The following TINCR variants were observed in gnomAD, a reference collection of about 807,000 sequenced individuals.
TINCR encodes the protein TINCR-encoded ubiquitin-like protein.
rs1399259279 is a variant in TINCR at position 5,565,774 on chromosome 19, A to G, written c.260+1891T>C. ...TGAGGCTCCTGCCCTCAAAACATCA[A>G]CCCAGGCTCGGTGACTCAAGCCTCT... On this transcript the variant is annotated intron_variant, in intron 1 of 1. Transcript: ENST00000646160. This position sits in a 1 kb window ranked among gnomAD's most constrained non-coding sequence, Gnocchi z 4.0. Among the ~76,000 whole-genome samples, 7 of 151,538 alleles carry G rather than the reference A, an allele frequency of 4.6e-5. No individual in the cohort carries two copies. Among genetic ancestry groups the G allele is most frequent in the Non-Finnish European group, 8.8e-5 (6 of 67,884 alleles).
At position 5,565,653 on chromosome 19, in the gene TINCR, T is replaced by TC. The variant is rs1488049892; in HGVS notation, c.260+2011dup. Among the ~76,000 whole-genome samples the TC allele has an allele frequency of 2.6e-5, 4 of 151,910 alleles. No individual in the cohort carries two copies. Among genetic ancestry groups the TC allele is most frequent in the Non-Finnish European group, 5.9e-5 (4 of 67,976 alleles). ...TCCATCCCTCATCATCCTCTCAGCC[T>TC]CCCCGTCCCCGCTAAGATCTTCCCT... is the stretch of plus-strand genomic sequence containing the variant. On this transcript the variant is annotated intron_variant, in intron 1 of 1. Transcript: ENST00000646160. The surrounding 1 kb of genome is among the most constrained non-coding windows in gnomAD (Gnocchi z 4.0).
Position 5,565,187 on chromosome 19 carries a change from C to T in TINCR, c.261-2238G>A, listed in dbSNP as rs190331498. On this transcript the variant is annotated intron_variant, in intron 1 of 1. Transcript: ENST00000646160. The surrounding 1 kb of genome is among the most constrained non-coding windows in gnomAD (Gnocchi z 4.0). ...CTTGCTCCAGCCACACGGGCCTCCTCGCTGTTCCTCCAACATGCCAGGTGC... is the reference window on the plus strand; with the variant it reads ...CTTGCTCCAGCCACACGGGCCTCCTTGCTGTTCCTCCAACATGCCAGGTGC... Among the ~76,000 whole-genome samples, 22 of 152,242 alleles carry T rather than the reference C, an allele frequency of 1.4e-4. No homozygotes were observed. Among genetic ancestry groups the T allele is most frequent in the African/African-American group, 5.3e-4 (22 of 41,558 alleles).
At position 5,565,143 on chromosome 19, in the gene TINCR, C is replaced by T. The variant is rs2052121897; in HGVS notation, c.261-2194G>A. Among the ~76,000 whole-genome samples, 1 of 152,080 alleles carries T rather than the reference C, an allele frequency of 6.6e-6. No homozygotes were observed. Among genetic ancestry groups the T allele is most frequent in the Non-Finnish European group, 1.5e-5 (1 of 68,004 alleles). On this transcript the variant is annotated intron_variant, in intron 1 of 1. Coordinates refer to ENST00000646160, the Ensembl canonical transcript of TINCR. The surrounding 1 kb of genome is among the most constrained non-coding windows in gnomAD (Gnocchi z 4.0). ...ACTGCCCTGGCCCCTCCCTGCCCTC[C>T]CTTCCTCCCTCTCTCCCCCTTGCTC... is the stretch of plus-strand genomic sequence containing the variant.
intron 1 of TINCR, among the ~76,000 whole-genome samples, chr19:5,566,053 T>G (rs988948055): frequency 6.6e-6 from 1 of 152,150 alleles, no homozygotes; most frequent in Non-Finnish European, 1.5e-5. Context: ...AGGGTCGTCT[T>G]GGCCAGGGGA....
In TINCR at chr19:5,567,659, G is replaced by T; in HGVS notation, c.260+6C>A. ...CGCCCCACCCCACCCCGAGCCCCGC[G>T]GCCACCTGGGGTCGCTGACGAGCAG... On this transcript the variant is annotated splice_donor_region_variant and intron_variant, in intron 1 of 1. Coordinates refer to ENST00000646160, the Ensembl canonical transcript of TINCR. 2 of 130,770 alleles carry T rather than the reference G, an allele frequency of 1.5e-5. No homozygotes were observed. Among genetic ancestry groups the T allele is most frequent in the Non-Finnish European group, 2.9e-5 (2 of 70,066 alleles). 8.1% of individuals were successfully genotyped at this position (130,770 alleles called of 1,614,324 possible).
chr19:5,561,380 T>C (rs2052101455), downstream of TINCR: 1 of 153,704 alleles, frequency 6.5e-6, no homozygotes, highest in South Asian at 2.1e-4. Flanking sequence ...GGTTTCATGG[T>C]CCACCTGGGA....
chr19:5,567,933 C>CCCGGCT (rs956569676), exon 1 of TINCR: 9 of 380,768 alleles, frequency 2.4e-5, no homozygotes, highest in South Asian at 1.3e-4. Context: ...ATGGCGCCCG[C>CCCGGCT]CCGGCTCCGG....
chr19:5,567,127 C>T (rs753508678), intron 1 of TINCR, among the ~76,000 whole-genome samples: 4 of 149,500 alleles, frequency 2.7e-5, no homozygotes, highest in East Asian at 2.0e-4. Context: ...AGATGAGAGA[C>T]GCAGAGATAA....
downstream of TINCR, chr19:5,561,468 C>T (rs1430737527): frequency 1.3e-5 from 2 of 152,728 alleles, no homozygotes; most frequent in Non-Finnish European, 2.9e-5. Context: ...AACACCAGTT[C>T]TCCAGCCATT....
chr19:5,566,039 C>T (rs2052126728), intron 1 of TINCR, among the ~76,000 whole-genome samples: 2 of 152,174 alleles, frequency 1.3e-5, no homozygotes, highest in Non-Finnish European at 2.9e-5. Flanking sequence ...AGACGCCCCA[C>T]TTGAGGGTCG....
intron 1 of TINCR, 49 bp downstream of exon 1, chr19:5,567,616 G>A: frequency 2.7e-6 from 1 of 367,100 alleles, no homozygotes. Flanking sequence ...CTCTCCAGGG[G>A]TCCCCGGCCG....
downstream of TINCR, chr19:5,559,105 C>T (rs12983488): frequency 0.14 from 21,441 of 152,080 alleles, 1,620 homozygotes; most frequent in South Asian, 0.29. Flanking sequence ...GATTTGCATG[C>T]GATTTGCATG....
At chr19:5,567,623 G>GCCCCCCCCCCCCCCC in intron 1 of TINCR, 42 bp downstream of exon 1, 2 of 328,348 alleles carry the variant, frequency 6.1e-6, no homozygotes, top group Non-Finnish European at 5.5e-6. Context: ...GGGGTCCCCG[G>GCCCCCCCCCCCCCCC]CCGCCGCCCC....
rs2052138866 is a variant in TINCR, at chr19:5,567,694, G to A, written c.231C>T (p.Gly77=). 4 of 159,712 alleles carry A rather than the reference G, an allele frequency of 2.5e-5. No homozygotes were observed. In the South Asian group the frequency reaches 5.8e-4, roughly 23 times the overall value. 9.9% of individuals were successfully genotyped at this position (159,712 alleles called of 1,614,324 possible). ...GGTCGCTGACGAGCAGCAGCACCGA[G>A]CCGTCCTGCAGGCGCGCGTCGCGCA... The change falls in exon 1 of 2, where the codon GGC becomes GGT. Residue 77 remains glycine (G), a synonymous_variant. Transcript: ENST00000646160.
At chr19:5,567,626 G>A (rs1034772667) in intron 1 of TINCR, 39 bp downstream of exon 1, 6 of 202,556 alleles carry the variant, frequency 3.0e-5, no homozygotes, top group Admixed American at 1.8e-4. Context: ...GTCCCCGGCC[G>A]CCGCCCCCGC....
chr19:5,567,717 G>C (rs2052139104), exon 1 of TINCR: 1 of 375,140 alleles, frequency 2.7e-6, no homozygotes, highest in Non-Finnish European at 4.7e-6. Flanking sequence ...CGCGCGTCGC[G>C]CACCGTCTGG....
chr19:5,563,239 C>T lies in TINCR; in HGVS notation c.261-290G>A, dbSNP rs1568193121. 6.6e-6 allele frequency among the ~76,000 whole-genome samples: 1 copy of T among 151,968 alleles called. No individual in the cohort carries two copies. The highest frequency in any genetic ancestry group is 6.6e-5 in the Admixed American group (1 of 15,240). On this transcript the variant is annotated intron_variant, in intron 1 of 1. Coordinates refer to ENST00000646160, the Ensembl canonical transcript of TINCR. The surrounding 1 kb of genome is among the most constrained non-coding windows in gnomAD (Gnocchi z 4.7). ...GAGGGCTGCCGGCAGAGGAGGGACA[C>T]GCCCCGACTCAGGGGCTCACAGGCG... is the stretch of plus-strand genomic sequence containing the variant.
At chr19:5,567,629 G>GCCCCCCCCCCCCCCC in intron 1 of TINCR, 36 bp downstream of exon 1, 7 of 181,986 alleles carry the variant, frequency 3.8e-5, no homozygotes, top group Non-Finnish European at 7.7e-5. Context: ...CCCGGCCGCC[G>GCCCCCCCCCCCCCCC]CCCCCGCCCC....
At chr19:5,566,650 G>C (rs748479512) in intron 1 of TINCR, among the ~76,000 whole-genome samples, 1 of 150,812 alleles carries the variant, frequency 6.6e-6, no homozygotes, top group African/African-American at 2.4e-5. Flanking sequence ...AGAGAGACAG[G>C]GAGAGAGAGA....
Sources: gnomAD v4.1 joint callset for allele counts (sites outside exome capture counted in the v4.1 genomes callset) on GRCh38, gnomAD v4.1.1 for gene constraint, Gnocchi (gnomAD v3.1) non-coding constraint, MANE v1.5 for transcripts, NCBI Gene and HGNC (gene_info 2026-07-23, HGNC 2026-07-21) for gene names.